The following SIDT2 variants were observed in gnomAD, a reference collection of about 807,000 sequenced individuals.
SIDT2 encodes SID1 transmembrane family, member 2.
In SIDT2, 68 loss-of-function variants were observed where a neutral mutation model predicts 114.4. The ratio of observed to expected loss-of-function variants is 0.59; its 90% CI spans 0.49 to 0.73. The LOEUF is 0.73. Among genes scored for constraint, SIDT2 ranks in the 30% least tolerant of loss-of-function variants. The pLI is 0.00. For synonymous variants in SIDT2, 470 were observed against 438.4 expected (o/e 1.07, Z -0.90); for missense variants, 918 against 1,097.1 (o/e 0.84, Z 2.31).
At chr11:117,186,270 G>A in intron 9 of SIDT2, 47 bp downstream of exon 9, 1 of 1,539,774 alleles carries the variant, frequency 6.5e-7, no homozygotes, top group Non-Finnish European at 9.0e-7. Flanking sequence ...GGTTTGGGCA[G>A]GTGTGTGGGG....
chr11:117,179,284 C>A lies in SIDT2; in HGVS notation c.21C>A (p.Pro7=), dbSNP rs747826657. 4 of 1,613,658 alleles carry A rather than the reference C, an allele frequency of 2.5e-6. No homozygotes were observed. The highest frequency in any genetic ancestry group is 3.4e-6 in the Non-Finnish European group (4 of 1,179,870). The part of the protein sequence containing the change: MFALGL[P]FLVLLVASVE... Reference sequence around the variant, plus strand: ...GGGCCATGTTCGCTCTGGGCTTGCCCTTCTTGGTGCTCTTGGTGGCCTCGG... The same window carrying A: ...GGGCCATGTTCGCTCTGGGCTTGCCATTCTTGGTGCTCTTGGTGGCCTCGG... The change falls in exon 1 of 26, where the codon CCC becomes CCA. Residue 7 remains proline (P), a synonymous_variant. Transcript: ENST00000324225.
At position 117,192,205 on chromosome 11, in the gene SIDT2, G is replaced by A; in HGVS notation, c.1873-49G>A. On this transcript the variant is annotated intron_variant, in intron 19 of 25. Coordinates refer to ENST00000324225, the MANE Select transcript of SIDT2 (RefSeq NM_001040455.2). This position sits in a 1 kb window ranked among gnomAD's most constrained non-coding sequence, Gnocchi z 5.9. The stretch of plus-strand genomic sequence containing the variant: ...GCCCCAGGAAGGGTGGGCCATCCGA[G>A]CCACTTCCCTCTCCACCCTCACCGC... 1 of 1,473,554 alleles carries A rather than the reference G, an allele frequency of 6.8e-7. No homozygotes were observed. The highest frequency in any genetic ancestry group is 9.5e-7 in the Non-Finnish European group (1 of 1,053,052). 91.3% of individuals were successfully genotyped at this position (1,473,554 alleles called of 1,614,324 possible).
chr11:117,182,130 G>T, intron 4 of SIDT2, 25 bp downstream of exon 4: 3 of 1,613,072 alleles, frequency 1.9e-6, no homozygotes, highest in East Asian at 2.2e-5. Context: ...TTGATTGCTC[G>T]AGAGGAGAAA....
Position 117,193,944 on chromosome 11 carries a change from A to C in SIDT2, c.2303A>C (p.Gln768Pro). 6.2e-7 allele frequency: 1 copy of C among 1,613,866 alleles called. No homozygotes were observed. The highest frequency in any genetic ancestry group is 1.1e-5 in the South Asian group (1 of 91,068). ...GGCTTCGCGCTCTTCTTCTTCTTCC[A>C]GGGACTCAGCACCTGGCAGGTGAGC... ...VWGFALFFFF[Q>P]GLSTWQKTPA... Residue 768 changes from glutamine (Q) to proline (P), a missense_variant, in exon 24 of 26, where the codon CAG (glutamine) becomes CCG (proline). Physicochemically the swap from Gln to Pro is moderately conservative, Grantham distance 76. Transcript: ENST00000324225.
chr11:117,181,962 T>C lies in SIDT2; in HGVS notation c.461T>C (p.Phe154Ser), dbSNP rs1396744276. The change falls in exon 3 of 26, where the codon TTT (phenylalanine) becomes TCT (serine). Residue 154 changes from phenylalanine (F) to serine (S), a missense_variant. By Grantham distance (155) the Phe-to-Ser change is radical. Transcript: ENST00000324225. ...YQLRVSRMDD[F>S]VLRTGEQFSF... is the part of the protein sequence containing the mutation. ...CTCCGGGTCAGCCGCATGGACGATT[T>C]TGTGCTCAGGTCTGCAGGGTAGAGT... 5.6e-6 allele frequency: 9 copies of C among 1,614,068 alleles called. No homozygotes were observed. Among genetic ancestry groups the C allele is most frequent in the South Asian group, 3.3e-5 (3 of 91,076 alleles).
At chr11:117,179,541 G>A (rs2030179737) in intron 1 of SIDT2, 95 bp downstream of exon 1, 1 of 1,354,928 alleles carries the variant, frequency 7.4e-7, no homozygotes, top group Non-Finnish European at 1.0e-6. Context: ...GAGGCCCCAG[G>A]AACGAGCTGT....
intron 1 of SIDT2, among the ~76,000 whole-genome samples, chr11:117,181,108 A>C (rs534206051): frequency 6.6e-6 from 1 of 152,140 alleles, no homozygotes; most frequent in South Asian, 2.1e-4. Flanking sequence ...GTGCACATGG[A>C]TAGGAATGGG....
intron 1 of SIDT2, 47 bp downstream of exon 1, chr11:117,179,493 G>T: frequency 6.3e-7 from 1 of 1,577,064 alleles, no homozygotes; most frequent in Non-Finnish European, 8.6e-7. Context: ...GGAAGCCGAC[G>T]AGGGCTAGGC....
At position 117,188,833 on chromosome 11, in the gene SIDT2, C is replaced by CGG; in HGVS notation, c.1278+7_1278+8insGG. The stretch of plus-strand genomic sequence containing the variant: ...GAATGTCATTCGCACCAAGGTCTGA[C>CGG]CCGTGGGCCTGGCCTGGTCAGGCGT... On this transcript the variant is annotated splice_region_variant and intron_variant, in intron 13 of 25. Transcript: ENST00000324225. The surrounding 1 kb of genome is among the most constrained non-coding windows in gnomAD (Gnocchi z 4.0). 6.2e-7 allele frequency: 1 copy of CGG among 1,612,582 alleles called. No individual in the cohort carries two copies. The highest frequency in any genetic ancestry group is 8.5e-7 in the Non-Finnish European group (1 of 1,178,524).
rs1179515482 is a variant in SIDT2 at position 117,181,553 on chromosome 11, G to A, written c.305+16G>A. ...TGCGAGGGATGTGAGTAGGATCTGG[G>A]CATCAGGGAAGCGGGGCAGCCTAGG... On this transcript the variant is annotated intron_variant, in intron 2 of 25. Transcript: ENST00000324225. The A allele has an allele frequency of 1.2e-6, 2 of 1,613,710 alleles. No homozygotes were observed. Among genetic ancestry groups the A allele is most frequent in the African/African-American group, 2.7e-5 (2 of 74,830 alleles).
chr11:117,195,239 AG>A (rs1241639676), intron 24 of SIDT2, among the ~76,000 whole-genome samples: 1 of 151,882 alleles, frequency 6.6e-6, no homozygotes, highest in Non-Finnish European at 1.5e-5. Context: ...GAGCTCCCTG[AG>A]GGTGGGGCAG....
chr11:117,179,307 C>G lies in SIDT2; in HGVS notation c.44C>G (p.Ser15Trp). The change falls in exon 1 of 26, where the codon TCG (serine) becomes TGG (tryptophan). Residue 15 changes from serine to tryptophan, a missense_variant. By Grantham distance (177) the Ser-to-Trp change is radical (BLOSUM62 -3). Coordinates refer to ENST00000324225, the MANE Select transcript of SIDT2 (RefSeq NM_001040455.2). ...CCCTTCTTGGTGCTCTTGGTGGCCTCGGTCGAGAGCCATCTGGGGGTTCTG... is the reference window on the plus strand; with the variant it reads ...CCCTTCTTGGTGCTCTTGGTGGCCTGGGTCGAGAGCCATCTGGGGGTTCTG... ...GLPFLVLLVA[S>W]VESHLGVLGP... 6.2e-7 allele frequency: 1 copy of G among 1,614,106 alleles called. No individual in the cohort carries two copies. Among genetic ancestry groups the G allele is most frequent in the Admixed American group, 1.7e-5 (1 of 60,028 alleles).
intron 2 of SIDT2, 99 bp downstream of exon 2, chr11:117,181,636 G>A: frequency 6.3e-7 from 1 of 1,588,626 alleles, no homozygotes; most frequent in Non-Finnish European, 8.6e-7. Flanking sequence ...CCCTTTCCCT[G>A]GGCTGGGAGG....
rs1220931933 is a variant in SIDT2 at position 117,188,919 on chromosome 11, A to G, written c.1278+93A>G. The G allele has an allele frequency of 1.5e-6, 2 of 1,318,472 alleles. No homozygotes were observed. Among genetic ancestry groups the G allele is most frequent in the East Asian group, 4.6e-5 (2 of 43,294 alleles). The allele number at this position is 1,318,472 out of a possible 1,614,324, so 81.7% of individuals were successfully genotyped here. ...GCATGTTCCCACTGACGTGGCATTT[A>G]GGGAAGCAGAAGGAAGGGGCTCAGC... On this transcript the variant is annotated intron_variant, in intron 13 of 25. Transcript: ENST00000324225. The surrounding 1 kb of genome is among the most constrained non-coding windows in gnomAD (Gnocchi z 4.0).
In SIDT2 at chr11:117,187,418, C is replaced by T; in HGVS notation, c.1056C>T (p.Ser352=). 1.2e-6 allele frequency: 2 copies of T among 1,614,038 alleles called. No individual in the cohort carries two copies. Among genetic ancestry groups the T allele is most frequent in the Non-Finnish European group, 1.7e-6 (2 of 1,179,994 alleles). The change falls in exon 11 of 26, where the codon TCC becomes TCT. Residue 352 remains serine, a synonymous_variant. Coordinates refer to ENST00000324225, the MANE Select transcript of SIDT2 (RefSeq NM_001040455.2). ...TGGCTGATTCTTTTCCTGGCAGTTC[C>T]CCTTATGAGGGTTACAACTATGGCT... The part of the protein sequence containing the change: ...RVLADSFPGS[S]PYEGYNYGSF...
Position 117,188,814 on chromosome 11 carries a change from C to T in SIDT2, c.1266C>T (p.Val422=). 6.2e-7 allele frequency: 1 copy of T among 1,614,074 alleles called. No homozygotes were observed. The highest frequency in any genetic ancestry group is 1.1e-5 in the South Asian group (1 of 91,082). ...CCGACATCGATTCCGACAAGAATGT[C>T]ATTCGCACCAAGGTCTGACCCGTGG... The part of the protein sequence containing the change: ...TLTDIDSDKN[V]IRTKQYLYVA... The change falls in exon 13 of 26, where the codon GTC becomes GTT. Residue 422 remains valine, a synonymous_variant. Coordinates refer to ENST00000324225, the MANE Select transcript of SIDT2 (RefSeq NM_001040455.2). This position sits in a 1 kb window ranked among gnomAD's most constrained non-coding sequence, Gnocchi z 4.0.
rs1274934268 is a variant in SIDT2, at chr11:117,193,253, A to G, written c.2206A>G (p.Met736Val). ...CCTTTACTTCGCCTTCTACATCATC[A>G]TGAAGGTGAGTGGGGCTGGCCAAGC... Reference protein sequence around the residue: ...LLLYFAFYIIMKLRSGERIKL... With the variant: ...LLLYFAFYIIVKLRSGERIKL... The change falls in exon 23 of 26, where the codon ATG (methionine) becomes GTG (valine). Residue 736 changes from methionine to valine, a missense_variant. Transcript: ENST00000324225. The G allele has an allele frequency of 6.2e-7, 1 of 1,611,738 alleles. No individual in the cohort carries two copies.
chr11:117,181,372 C>G (rs2030275922), intron 1 of SIDT2, 44 bp from the exon 2 acceptor site: 1 of 1,610,418 alleles, frequency 6.2e-7, no homozygotes, highest in African/African-American at 1.3e-5. Flanking sequence ...GCCACGTGTC[C>G]CTGGTGGCAG....
At position 117,192,307 on chromosome 11, in the gene SIDT2, C is replaced by T; in HGVS notation, c.1926C>T (p.Ile642=). The change falls in exon 20 of 26, where the codon ATC becomes ATT. Residue 642 remains isoleucine (I), a synonymous_variant. Coordinates refer to ENST00000324225, the MANE Select transcript of SIDT2 (RefSeq NM_001040455.2). This position sits in a 1 kb window ranked among gnomAD's most constrained non-coding sequence, Gnocchi z 5.9. The part of the protein sequence containing the change: ...AFWIVFSIIH[I]IATLLLSTQL... Reference sequence around the variant, plus strand: ...GGATCGTCTTCTCCATCATTCACATCATCGCCACCCTGCTCCTCAGCACGC... The same window carrying T: ...GGATCGTCTTCTCCATCATTCACATTATCGCCACCCTGCTCCTCAGCACGC... The T allele has an allele frequency of 6.2e-7, 1 of 1,612,662 alleles. No individual in the cohort carries two copies. The highest frequency in any genetic ancestry group is 1.3e-5 in the African/African-American group (1 of 74,982).
Sources: gnomAD v4.1 joint callset for allele counts (sites outside exome capture counted in the v4.1 genomes callset) on GRCh38, gnomAD v4.1.1 for gene constraint, Gnocchi (gnomAD v3.1) non-coding constraint, MANE v1.5 for transcripts, NCBI Gene and HGNC (gene_info 2026-07-23, HGNC 2026-07-21) for gene names.